FLACC1: variants seen among roughly 807,000 people sequenced by gnomAD.
FLACC1 encodes the protein flagellum associated containing coiled-coil domains 1, also known as flagellum-associated coiled-coil domain-containing protein 1.
In FLACC1, 66 loss-of-function variants were observed where a neutral mutation model predicts 62.8. The observed-to-expected ratio is 1.05, with a 90% confidence interval of 0.86 to 1.29. The LOEUF (loss-of-function observed/expected upper bound fraction) is 1.29. FLACC1 is among the 50% of genes most tolerant of loss of function. The pLI, the probability that FLACC1 is intolerant of heterozygous loss-of-function variation, is 0.00. For synonymous variants in FLACC1, 156 were observed against 161.0 expected (o/e 0.97, Z 0.24); for missense variants, 452 against 489.1 (o/e 0.92, Z 0.71).
In FLACC1 at chr2:201,351,413, G is replaced by C; in HGVS notation, c.-9C>G. The C allele has an allele frequency of 1.3e-6, 2 of 1,594,240 alleles. No individual in the cohort carries two copies. The highest frequency in any genetic ancestry group is 2.7e-5 in the African/African-American group (2 of 74,568). ...AGAGGGTTGGGGTACATGGCCAAAGGTCAGGGGGAGTCTTGGCTGCTAGAT... is the reference window on the plus strand; with the variant it reads ...AGAGGGTTGGGGTACATGGCCAAAGCTCAGGGGGAGTCTTGGCTGCTAGAT... On this transcript the variant is annotated 5_prime_UTR_variant, in exon 2 of 15. Transcript: ENST00000392257.
rs1167640416 is a variant in FLACC1 at position 201,315,796 on chromosome 2, T to C, written c.676-6546A>G. ...GGAACTTTCTCCCAGATAGACCATA[T>C]GATAGGCCACAAAACAAGCCTCAAT... On this transcript the variant is annotated intron_variant, in intron 9 of 14. Transcript: ENST00000392257. 2.0e-5 allele frequency among the ~76,000 whole-genome samples: 3 copies of C among 152,176 alleles called. No homozygotes were observed. In the East Asian group the frequency reaches 5.8e-4, roughly 29 times the overall value.
intron 10 of FLACC1, 100 bp downstream of exon 10, chr2:201,309,051 C>T (rs1257017920): frequency 1.0e-6 from 1 of 982,962 alleles, no homozygotes; most frequent in African/African-American, 1.6e-5. Context: ...GGCCCATCAC[C>T]CTTGGTAAGC....
rs1370608511 is a variant in FLACC1, at chr2:201,348,006, C to G, written c.234+248G>C. The G allele has an allele frequency of 2.3e-5, 8 of 348,510 alleles. No homozygotes were observed. In the South Asian group the frequency reaches 3.2e-4, roughly 14 times the overall value. 21.6% of individuals were successfully genotyped at this position (348,510 alleles called of 1,614,324 possible). Reference sequence around the variant, plus strand: ...TCATGTCCAGTTTCTCTGAGACACTCTGTTTGTCTTGTGCAAGGCAGGAGA... The same window carrying G: ...TCATGTCCAGTTTCTCTGAGACACTGTGTTTGTCTTGTGCAAGGCAGGAGA... On this transcript the variant is annotated intron_variant, in intron 4 of 14. Transcript: ENST00000392257.
intron 11 of FLACC1, among the ~76,000 whole-genome samples, chr2:201,304,732 T>G (rs925941853): frequency 2.3e-4 from 35 of 152,028 alleles, no homozygotes; most frequent in African/African-American, 5.1e-4. Flanking sequence ...TACCAAAACA[T>G]AGATATAGAC....
At chr2:201,295,336 A>G (rs2125539425) in intron 12 of FLACC1, among the ~76,000 whole-genome samples, 1 of 152,162 alleles carries the variant, frequency 6.6e-6, no homozygotes, top group Non-Finnish European at 1.5e-5. Flanking sequence ...GGAACAGAAC[A>G]GAGCCCTCAG....
chr2:201,323,399 C>A (rs909319461), intron 9 of FLACC1, among the ~76,000 whole-genome samples: 3 of 152,184 alleles, frequency 2.0e-5, no homozygotes, highest in Non-Finnish European at 4.4e-5. Context: ...GACTTCTCAG[C>A]AGAAACCTTA....
chr2:201,297,723 C>T (rs1307557285), intron 12 of FLACC1, among the ~76,000 whole-genome samples: 3 of 152,144 alleles, frequency 2.0e-5, no homozygotes, highest in Non-Finnish European at 4.4e-5. Context: ...TTCTGCCTCC[C>T]ATCATTTTGC....
intron 11 of FLACC1, among the ~76,000 whole-genome samples, chr2:201,306,099 T>TA (rs71022361): frequency 0.13 from 18,946 of 146,350 alleles, 1,523 homozygotes; most frequent in African/African-American, 0.23. Context: ...AAAAAAAGAA[T>TA]AAAAAAAAAA....
upstream of FLACC1, among the ~76,000 whole-genome samples, chr2:201,357,818 TAAAG>T (rs1951143540): frequency 1.3e-5 from 2 of 151,982 alleles, no homozygotes. Context: ...TTTTTTTAAA[TAAAG>T]CTGCTTTTTC....
chr2:201,338,531 G>A (rs1016192745), intron 7 of FLACC1, among the ~76,000 whole-genome samples: 9 of 152,088 alleles, frequency 5.9e-5, no homozygotes, highest in African/African-American at 1.9e-4. Context: ...GATGATAGCT[G>A]CAGATCTGTC....
chr2:201,289,903 T>G (rs375086472), intron 12 of FLACC1, 118 bp from the exon 13 acceptor site: 396 of 1,567,764 alleles, frequency 2.5e-4, no homozygotes, highest in Middle Eastern at 3.7e-4. Flanking sequence ...GCATCACTCA[T>G]GGCCACTCAC....
At chr2:201,293,222 C>T (rs1012872468) in intron 12 of FLACC1, among the ~76,000 whole-genome samples, 10 of 152,202 alleles carry the variant, frequency 6.6e-5, no homozygotes, top group African/African-American at 2.4e-4. Context: ...AATATACATT[C>T]TTCTCAGCAC....
At chr2:201,343,303 TACC>T (rs780378918) in intron 6 of FLACC1, among the ~76,000 whole-genome samples, 2 of 152,244 alleles carry the variant, frequency 1.3e-5, no homozygotes, top group Non-Finnish European at 2.9e-5. Flanking sequence ...TCCAATGATC[TACC>T]ACTGTTCAGT....
chr2:201,333,854 A>G (rs369493660), intron 7 of FLACC1, among the ~76,000 whole-genome samples: 1 of 152,204 alleles, frequency 6.6e-6, no homozygotes, highest in Middle Eastern at 3.4e-3. Context: ...GAATAGTGCC[A>G]CAATAAACAT....
chr2:201,322,808 AG>A (rs1468265600), intron 9 of FLACC1, among the ~76,000 whole-genome samples: 3 of 152,162 alleles, frequency 2.0e-5, no homozygotes, highest in African/African-American at 7.2e-5. Context: ...AGGAGATTTC[AG>A]AGAAAGATGA....
At position 201,347,537 on chromosome 2, in the gene FLACC1, C is replaced by A. The variant is rs1460378566; in HGVS notation, c.234+717G>T. On this transcript the variant is annotated intron_variant, in intron 4 of 14. Coordinates refer to ENST00000392257, the MANE Select transcript of FLACC1 (RefSeq NM_001127391.3). ...CTCTTTTCCCTGGCTCTTTTCCCAG[C>A]ACCTGAAACAGTGCCTAATAAATAA... Among the ~76,000 whole-genome samples, 4 of 151,918 alleles carry A rather than the reference C, an allele frequency of 2.6e-5. No homozygotes were observed. The East Asian group carries it at 7.7e-4, about 29-fold the overall frequency.
intron 4 of FLACC1, 149 bp downstream of exon 4, chr2:201,348,105 G>A (rs1009867113): frequency 2.8e-5 from 19 of 682,808 alleles, no homozygotes; most frequent in South Asian, 1.1e-4. Flanking sequence ...CTTACCTGCC[G>A]TGCATAATGT....
chr2:201,322,859 GA>G (rs1242183999), intron 9 of FLACC1, among the ~76,000 whole-genome samples: 1 of 151,976 alleles, frequency 6.6e-6, no homozygotes, highest in East Asian at 1.9e-4. Context: ...GGATATGAAT[GA>G]AAAATTTTCT....
chr2:201,322,423 A>G (rs376906817), intron 9 of FLACC1, among the ~76,000 whole-genome samples: 20 of 152,170 alleles, frequency 1.3e-4, no homozygotes, highest in African/African-American at 4.3e-4. Flanking sequence ...TACAACCAGC[A>G]TCTAAGAAAG....
Sources: gnomAD v4.1 joint callset for allele counts (sites outside exome capture counted in the v4.1 genomes callset) on GRCh38, gnomAD v4.1.1 for gene constraint, MANE v1.5 for transcripts, NCBI Gene and HGNC (gene_info 2026-07-23, HGNC 2026-07-21) for gene names.